LRRC36: variants seen among roughly 807,000 people sequenced by gnomAD.
The protein encoded by LRRC36 is leucine rich repeat containing 36, also known as leucine-rich repeat-containing protein 36.
A neutral mutation model predicts 81.1 loss-of-function variants in LRRC36; 62 were observed. That is an observed-to-expected ratio of 0.76 (90% CI 0.62 to 0.94). LRRC36 has a LOEUF of 0.94. Among genes scored for constraint, LRRC36 ranks in the 40% least tolerant of loss-of-function variants. LRRC36 has a pLI of 0.00. For synonymous variants in LRRC36, 334 were observed against 348.6 expected (o/e 0.96, Z 0.47); for missense variants, 761 against 881.7 (o/e 0.86, Z 1.73).
intron 5 of LRRC36, among the ~76,000 whole-genome samples, chr16:67,360,724 A>C (rs779275448): frequency 3.3e-5 from 5 of 152,166 alleles, no homozygotes; most frequent in Admixed American, 6.5e-5. Context: ...AGAGCCTCAG[A>C]TGGATGGAGG....
intron 13 of LRRC36, among the ~76,000 whole-genome samples, chr16:67,384,504 G>A (rs559836336): frequency 6.6e-6 from 1 of 152,298 alleles, no homozygotes; most frequent in Non-Finnish European, 1.5e-5. Context: ...GAATTGCAGT[G>A]GCAGGATAGA....
chr16:67,355,397 C>T (rs375629808), intron 5 of LRRC36, among the ~76,000 whole-genome samples: 4,519 of 97,496 alleles, frequency 0.046, 309 homozygotes, highest in African/African-American at 0.15. Flanking sequence ...TTTTTTGAGA[C>T]GGAGTCTCGC....
At position 67,375,434 on chromosome 16, in the gene LRRC36, C is replaced by G. The variant is rs754219338; in HGVS notation, c.1660+22C>G. 3.9e-6 allele frequency: 6 copies of G among 1,551,882 alleles called. No homozygotes were observed. In the African/African-American group the frequency reaches 8.4e-5, roughly 22 times the overall value. On this transcript the variant is annotated intron_variant, in intron 10 of 13. Transcript: ENST00000329956. ...CTCGGTGAGTGAATGCATTCTCTGT[C>G]CTTGGACAGGAGTTGGACTTTTCCT...
chr16:67,374,207 A>G (rs1246038853), intron 9 of LRRC36, among the ~76,000 whole-genome samples: 1 of 151,312 alleles, frequency 6.6e-6, no homozygotes. Context: ...ATAAAATATT[A>G]TAGAATATTT....
At chr16:67,328,922 A>C (rs547710734) in intron 1 of LRRC36, among the ~76,000 whole-genome samples, 15 of 147,934 alleles carry the variant, frequency 1.0e-4, no homozygotes, top group African/African-American at 4.0e-4. Context: ...TGTTTTTATT[A>C]TTTTTCAGAT....
At chr16:67,360,447 C>T (rs1331825485) in intron 5 of LRRC36, among the ~76,000 whole-genome samples, 2 of 152,140 alleles carry the variant, frequency 1.3e-5, no homozygotes, top group African/African-American at 4.8e-5. Context: ...AGTCTTGTTC[C>T]ACAGGATAAG....
rs113141592 is a variant in LRRC36 at position 67,326,913 on chromosome 16, G to T, written c.51G>T (p.Ala17=). 17 of 1,486,876 alleles carry T rather than the reference G, an allele frequency of 1.1e-5. 1 individual carries two copies. The highest frequency in any genetic ancestry group is 1.0e-4 in the African/African-American group (7 of 67,818). 92.1% of individuals were successfully genotyped at this position (1,486,876 alleles called of 1,614,324 possible). The change falls in exon 1 of 14, where the codon GCG becomes GCT. Residue 17 remains alanine (A), a synonymous_variant. Transcript: ENST00000329956. ...AGGAAGGCATTCGCCGCCTGGGGGC[G>T]CTGACGCTGGAGCAGCCGGGTAGGG... ...LDEEGIRRLG[A]LTLEQPELVE... is the part of the protein sequence containing the mutation.
intron 9 of LRRC36, chr16:67,371,608 A>G: frequency 3.2e-6 from 1 of 310,810 alleles, no homozygotes; most frequent in Admixed American, 4.1e-5. Context: ...ACAGTGGCGC[A>G]TGCCTGTAAT....
chr16:67,380,062 AG>A (rs1268552086), intron 12 of LRRC36, among the ~76,000 whole-genome samples: 3 of 152,166 alleles, frequency 2.0e-5, no homozygotes, highest in African/African-American at 7.2e-5. Flanking sequence ...GTGAAGGAAA[AG>A]ACCCTAGAAT....
At chr16:67,360,572 C>T (rs984593005) in intron 5 of LRRC36, among the ~76,000 whole-genome samples, 1 of 152,212 alleles carries the variant, frequency 6.6e-6, no homozygotes, top group African/African-American at 2.4e-5. Flanking sequence ...AGTACTACTG[C>T]AGTGAGAACA....
At chr16:67,339,195 A>G (rs2037910574) in intron 1 of LRRC36, among the ~76,000 whole-genome samples, 1 of 150,910 alleles carries the variant, frequency 6.6e-6, no homozygotes, top group South Asian at 2.1e-4. Context: ...GCACCCAGCC[A>G]TGATTCATTC....
chr16:67,367,484 T>A, intron 8 of LRRC36, 27 bp downstream of exon 8: 2 of 1,574,804 alleles, frequency 1.3e-6, no homozygotes, highest in South Asian at 2.3e-5. Context: ...AGTTTACAGG[T>A]CTTCTTCATA....
chr16:67,365,222 G>A (rs1349110488), intron 6 of LRRC36, 82 bp from the exon 7 acceptor site: 1 of 782,734 alleles, frequency 1.3e-6, no homozygotes, highest in Non-Finnish European at 2.2e-6. Flanking sequence ...TAATAGGAAG[G>A]TATTCTGAAC....
At chr16:67,363,544 G>T in intron 5 of LRRC36, 46 bp from the exon 6 acceptor site, 1 of 1,605,340 alleles carries the variant, frequency 6.2e-7, no homozygotes, top group Non-Finnish European at 8.5e-7. Flanking sequence ...TGCCTTTGAA[G>T]TCTGGTCAGT....
At chr16:67,363,227 T>G (rs1406727251) in intron 5 of LRRC36, among the ~76,000 whole-genome samples, 1 of 152,192 alleles carries the variant, frequency 6.6e-6, no homozygotes, top group Admixed American at 6.5e-5. Context: ...TAGTTGGAGA[T>G]TATGGAATTG....
intron 11 of LRRC36, 94 bp from the exon 12 acceptor site, chr16:67,378,495 C>T: frequency 8.4e-7 from 1 of 1,195,102 alleles, no homozygotes; most frequent in Non-Finnish European, 1.2e-6. Context: ...CCACCTCAGC[C>T]TCCCAAAGTG....
chr16:67,346,359 A>C lies in LRRC36; in HGVS notation c.302A>C (p.Glu101Ala), dbSNP rs142897451. 499 of 1,612,548 alleles carry C rather than the reference A, an allele frequency of 3.1e-4. 2 individuals carry two copies. In the African/African-American group the frequency reaches 3.9e-3, roughly 13 times the overall value. The change falls in exon 3 of 14, where the codon GAA becomes GCA. Residue 101 changes from glutamate (E) to alanine (A), a missense_variant. By Grantham distance (107) the Glu-to-Ala change is moderately radical. This residue lies in a region of LRRC36 where 263 missense variants were observed against 279.3 expected (regional missense o/e 0.94). Transcript: ENST00000329956. ...SRLQPLPFLK[E>A]LDLRLNPVVR... is the part of the protein sequence containing the mutation. ...CTACAACCGTTACCCTTCCTCAAAGAACTGGATTTGAGACTTAATCCTGTT... is the reference window on the plus strand; with the variant it reads ...CTACAACCGTTACCCTTCCTCAAAGCACTGGATTTGAGACTTAATCCTGTT...
chr16:67,350,013 G>A lies in LRRC36; in HGVS notation c.489-189G>A, dbSNP rs145587275. Among the ~76,000 whole-genome samples the A allele has an allele frequency of 6.3e-3, 960 of 152,188 alleles. 13 individuals are homozygous for A. The highest frequency in any genetic ancestry group is 0.022 in the African/African-American group (917 of 41,518). ...TGACCTCAGGTGATCCACCCGCCTC[G>A]GCCTCCCAAAGTGCTGGGATTACAG... On this transcript the variant is annotated intron_variant, in intron 4 of 13. Coordinates refer to ENST00000329956, the MANE Select transcript of LRRC36 (RefSeq NM_018296.6).
intron 1 of LRRC36, among the ~76,000 whole-genome samples, chr16:67,330,560 G>A (rs904543195): frequency 1.3e-5 from 2 of 152,018 alleles, no homozygotes; most frequent in Admixed American, 6.6e-5. Flanking sequence ...TAAACTCATC[G>A]ATTTAAATAT....
Sources: gnomAD v4.1 joint callset for allele counts (sites outside exome capture counted in the v4.1 genomes callset) on GRCh38, gnomAD v4.1.1 for gene constraint, gnomAD v4.1.1 regional missense constraint, MANE v1.5 for transcripts, NCBI Gene and HGNC (gene_info 2026-07-23, HGNC 2026-07-21) for gene names.